Variants in TMA16 observed in about 807,000 individuals in gnomAD.
TMA16 encodes the protein translation machinery associated 16 homolog.
In TMA16, 26 loss-of-function variants were observed where a neutral mutation model predicts 27.1. That is an observed-to-expected ratio of 0.96 (90% CI 0.70 to 1.33). The LOEUF (loss-of-function observed/expected upper bound fraction) is 1.33, where lower values mean the gene tolerates loss of function less well. TMA16 is among the 40% of genes most tolerant of loss of function. The pLI is 0.00. For synonymous variants in TMA16, 71 were observed against 81.9 expected, an observed-to-expected ratio of 0.87 and a Z score of 0.72; for missense variants, 233 against 241.4, an observed-to-expected ratio of 0.97 and a Z score of 0.23.
chr4:163,495,232 C>G (rs147904519), intron 1 of TMA16, among the ~76,000 whole-genome samples: 1 of 152,186 alleles, frequency 6.6e-6, no homozygotes, highest in Non-Finnish European at 1.5e-5. Context: ...CCGTTCACCT[C>G]TCGTTAGTGC....
At chr4:163,510,651 C>T (rs1460960382) in intron 2 of TMA16, among the ~76,000 whole-genome samples, 2 of 152,182 alleles carry the variant, frequency 1.3e-5, no homozygotes, top group African/African-American at 4.8e-5. Context: ...TATCCATTCA[C>T]TGTCTATGTT....
At chr4:163,511,653 T>G (rs796809735) in intron 2 of TMA16, among the ~76,000 whole-genome samples, 1 of 127,820 alleles carries the variant, frequency 7.8e-6, no homozygotes, top group Non-Finnish European at 1.7e-5. Context: ...TCTACAAAAA[T>G]AAAAGTAAAA....
intron 2 of TMA16, among the ~76,000 whole-genome samples, chr4:163,507,560 T>C (rs182697461): frequency 1.4e-4 from 22 of 152,136 alleles, no homozygotes; most frequent in Admixed American, 1.4e-3. Flanking sequence ...ATATGTTGAG[T>C]CTAGTGTTCA....
intron 1 of TMA16, among the ~76,000 whole-genome samples, chr4:163,496,520 TATAA>T (rs1737555605): frequency 6.6e-6 from 1 of 152,214 alleles, no homozygotes. Context: ...ACCTGTTATA[TATAA>T]ATAATCTTTT....
intron 1 of TMA16, among the ~76,000 whole-genome samples, chr4:163,498,968 A>G (rs936753228): frequency 6.6e-6 from 1 of 152,172 alleles, no homozygotes; most frequent in Non-Finnish European, 1.5e-5. Context: ...CCTGATGGGT[A>G]CTATCAAATT....
At chr4:163,506,517 A>T (rs1392931684) in intron 1 of TMA16, among the ~76,000 whole-genome samples, 1 of 152,080 alleles carries the variant, frequency 6.6e-6, no homozygotes, top group Non-Finnish European at 1.5e-5. Flanking sequence ...TTCCTTTTGG[A>T]TATACTAATT....
At chr4:163,500,214 T>C (rs1004837083) in intron 1 of TMA16, among the ~76,000 whole-genome samples, 15 of 148,880 alleles carry the variant, frequency 1.0e-4, no homozygotes, top group South Asian at 2.1e-4. Context: ...TTCTTTCTTT[T>C]TTTTTTTTTT....
rs767750579 is a variant in TMA16 at position 163,515,292 on chromosome 4, A to G, written c.240-21A>G. ...ATACATATACTTTGTATGTAACACA[A>G]ATCATTTTCGTATTTTTCAGGTACT... On this transcript the variant is annotated intron_variant, in intron 4 of 6. Transcript: ENST00000358572. 4.4e-6 allele frequency: 7 copies of G among 1,598,998 alleles called. No homozygotes were observed. In the East Asian group the frequency reaches 1.3e-4, roughly 31 times the overall value.
At chr4:163,517,542 C>A in intron 6 of TMA16, 66 bp downstream of exon 6, 1 of 1,403,162 alleles carries the variant, frequency 7.1e-7, no homozygotes, top group Non-Finnish European at 9.9e-7. Context: ...AACTTTCTTC[C>A]CCTTTGAGTC....
rs1008585604 is a variant in TMA16 at position 163,511,734 on chromosome 4, A to G, written c.117-1088A>G. Among the ~76,000 whole-genome samples, 11 of 151,412 alleles carry G rather than the reference A, an allele frequency of 7.3e-5. No homozygotes were observed. In the South Asian group the frequency reaches 1.7e-3, roughly 23 times the overall value. ...TAACTACATGGGAGGCTGAGGCAGG[A>G]TGGTTGCTTGAGCCCAGGAGTTTGA... On this transcript the variant is annotated intron_variant, in intron 2 of 6. Coordinates refer to ENST00000358572, the MANE Select transcript of TMA16 (RefSeq NM_018352.3).
chr4:163,514,781 C>T (rs952608711), intron 4 of TMA16, among the ~76,000 whole-genome samples: 2 of 152,128 alleles, frequency 1.3e-5, no homozygotes, highest in African/African-American at 4.8e-5. Context: ...TGTAACAATC[C>T]AGGCCAGAAA....
chr4:163,507,193 TTA>T, intron 2 of TMA16, 48 bp downstream of exon 2: 1 of 1,456,896 alleles, frequency 6.9e-7, no homozygotes, highest in Non-Finnish European at 9.4e-7. Context: ...AAAAGCCCCT[TTA>T]TACTTTTATC....
chr4:163,498,964 G>T (rs1737605683), intron 1 of TMA16, among the ~76,000 whole-genome samples: 1 of 152,258 alleles, frequency 6.6e-6, no homozygotes, highest in Middle Eastern at 3.4e-3. Context: ...TAGCCCTGAT[G>T]GGTACTATCA....
At chr4:163,498,484 T>C (rs1338487958) in intron 1 of TMA16, among the ~76,000 whole-genome samples, 1 of 152,046 alleles carries the variant, frequency 6.6e-6, no homozygotes, top group African/African-American at 2.4e-5. Context: ...AGACGGGGTT[T>C]CACCGTGTTA....
intron 1 of TMA16, among the ~76,000 whole-genome samples, chr4:163,497,226 A>G (rs1737566703): frequency 6.6e-6 from 1 of 152,252 alleles, no homozygotes; most frequent in Admixed American, 6.5e-5. Flanking sequence ...TCAGCTTAAT[A>G]CATCTCATAG....
In TMA16 at chr4:163,519,624, A is replaced by G; in HGVS notation, c.*110A>G. On this transcript the variant is annotated 3_prime_UTR_variant, in exon 7 of 7. Coordinates refer to ENST00000358572, the MANE Select transcript of TMA16 (RefSeq NM_018352.3). ...AAATTTGATACTGACATTCTCTTATATGATGAGAGTTTCATTTGCGTTTCA... is the reference window on the plus strand; with the variant it reads ...AAATTTGATACTGACATTCTCTTATGTGATGAGAGTTTCATTTGCGTTTCA... 1 of 1,040,848 alleles carries G rather than the reference A, an allele frequency of 9.6e-7. No homozygotes were observed. Among genetic ancestry groups the G allele is most frequent in the African/African-American group, 1.7e-5 (1 of 59,164 alleles). 64.5% of individuals were successfully genotyped at this position (1,040,848 alleles called of 1,614,324 possible). A position where few individuals can be genotyped will look rare whatever the true frequency, so the allele number is the denominator to read the frequency against.
At chr4:163,513,635 A>T (rs1579019549) in intron 3 of TMA16, among the ~76,000 whole-genome samples, 1 of 152,200 alleles carries the variant, frequency 6.6e-6, no homozygotes, top group African/African-American at 2.4e-5. Flanking sequence ...AAATGGGGGT[A>T]ATAATAGTAC....
intron 2 of TMA16, among the ~76,000 whole-genome samples, chr4:163,512,129 T>C (rs28655503): frequency 1.6e-3 from 245 of 152,284 alleles, no homozygotes; most frequent in African/African-American, 5.8e-3. Context: ...TTTTTAAATA[T>C]GCTTTTATAG....
At chr4:163,501,601 G>A (rs944266446) in intron 1 of TMA16, among the ~76,000 whole-genome samples, 12 of 152,226 alleles carry the variant, frequency 7.9e-5, no homozygotes, top group African/African-American at 2.2e-4. Flanking sequence ...ATGTTGTTTC[G>A]TTGCAAAGAG....
Sources: gnomAD v4.1 joint callset for allele counts (sites outside exome capture counted in the v4.1 genomes callset) on GRCh38, gnomAD v4.1.1 for gene constraint, MANE v1.5 for transcripts, NCBI Gene and HGNC (gene_info 2026-07-23, HGNC 2026-07-21) for gene names.